The following FNDC3A variants were observed in gnomAD, a reference collection of about 807,000 sequenced individuals.
The protein encoded by FNDC3A is fibronectin type III domain containing 3A.
A neutral mutation model predicts 148.9 loss-of-function variants in FNDC3A; 32 were observed. The observed-to-expected ratio is 0.21, with a 90% CI of 0.16 to 0.29. The LOEUF is 0.29. Among genes scored for constraint, FNDC3A ranks in the 10% least tolerant of loss-of-function variants. The pLI is 1.00. For missense variants in FNDC3A, 1,191 were observed against 1,452.8 expected (o/e 0.82, Z 2.93); for synonymous variants, 472 against 473.6 (o/e 1.00, Z 0.04).
chr13:48,983,617 A>G (rs945420629), intron 1 of FNDC3A, among the ~76,000 whole-genome samples: 4 of 152,240 alleles, frequency 2.6e-5, no homozygotes, highest in African/African-American at 9.6e-5. Flanking sequence ...GCAATGGTGC[A>G]TGCATATACT....
intron 8 of FNDC3A, among the ~76,000 whole-genome samples, chr13:49,167,001 G>A (rs1371819552): frequency 6.6e-6 from 1 of 151,098 alleles, no homozygotes; most frequent in Non-Finnish European, 1.5e-5. Context: ...AAAAAAAAGA[G>A]TCTGGCTTAC....
intron 8 of FNDC3A, among the ~76,000 whole-genome samples, chr13:49,150,728 C>G (rs569606481): frequency 6.6e-6 from 1 of 152,010 alleles, no homozygotes; most frequent in Non-Finnish European, 1.5e-5. Flanking sequence ...GGGCAGATCA[C>G]GATGGCAAGA....
intron 1 of FNDC3A, among the ~76,000 whole-genome samples, chr13:48,987,350 T>G (rs1009952850): frequency 2.0e-4 from 30 of 152,360 alleles, no homozygotes; most frequent in Middle Eastern, 3.4e-3. Context: ...AAGCAGTTCT[T>G]TCTCTCTTGT....
At chr13:49,041,174 GTT>G (rs1874897221) in intron 2 of FNDC3A, among the ~76,000 whole-genome samples, 1 of 152,118 alleles carries the variant, frequency 6.6e-6, no homozygotes, top group Non-Finnish European at 1.5e-5. Flanking sequence ...AGTAGCCCTG[GTT>G]TAATCTGGCA....
At chr13:49,204,977 T>C (rs1886583744) in intron 25 of FNDC3A, among the ~76,000 whole-genome samples, 1 of 152,172 alleles carries the variant, frequency 6.6e-6, no homozygotes, top group African/African-American at 2.4e-5. Context: ...CTATCAACTC[T>C]TAATCAGAAT....
intron 9 of FNDC3A, 106 bp downstream of exon 9, chr13:49,167,409 G>C: frequency 1.5e-6 from 1 of 675,690 alleles, no homozygotes; most frequent in Non-Finnish European, 2.4e-6. Context: ...CATTAATTTT[G>C]GATTAAAAAC....
chr13:48,992,110 A>G lies in FNDC3A; in HGVS notation c.-39-14042A>G, dbSNP rs1419136994. 2.0e-5 allele frequency among the ~76,000 whole-genome samples: 3 copies of G among 152,178 alleles called. No individual in the cohort carries two copies. The South Asian group carries it at 6.2e-4, about 32-fold the overall frequency. On this transcript the variant is annotated intron_variant, in intron 1 of 25. Transcript: ENST00000492622. ...TAAGTTGAACCATCACAAGTTGGGG[A>G]TTGTCTGTATACAAATAATGCAATT... is the stretch of plus-strand genomic sequence containing the variant.
At chr13:49,193,577 T>G (rs1364766949) in intron 19 of FNDC3A, among the ~76,000 whole-genome samples, 1 of 152,176 alleles carries the variant, frequency 6.6e-6, no homozygotes, top group Non-Finnish European at 1.5e-5. Flanking sequence ...TATATACTTA[T>G]TATTGTAAAT....
At chr13:49,206,337 T>TCTTAA (rs10651632) in intron 25 of FNDC3A, among the ~76,000 whole-genome samples, 100,996 of 151,406 alleles carry the variant, frequency 0.67, 33,767 homozygotes, top group Admixed American at 0.69. Context: ...GTATATAGCT[T>TCTTAA]CTTATTTATG....
chr13:49,110,214 C>A (rs77549600), intron 3 of FNDC3A: 3 of 506,958 alleles, frequency 5.9e-6, no homozygotes, highest in East Asian at 3.8e-5. Flanking sequence ...GCTTTTTTTT[C>A]CCCCTTGCCC....
chr13:49,179,292 A>G (rs889363171), intron 14 of FNDC3A, among the ~76,000 whole-genome samples: 2 of 152,206 alleles, frequency 1.3e-5, no homozygotes, highest in African/African-American at 2.4e-5. Flanking sequence ...ATTTTTCTCA[A>G]TGTAGCATAT....
chr13:49,129,465 G>A (rs1488113424), intron 4 of FNDC3A, among the ~76,000 whole-genome samples: 19 of 152,166 alleles, frequency 1.2e-4, no homozygotes, highest in Non-Finnish European at 1.3e-4. Context: ...TGATAAAGGT[G>A]AAATGAGTAT....
At chr13:49,118,420 C>T (rs1014652869) in intron 4 of FNDC3A, among the ~76,000 whole-genome samples, 1 of 152,190 alleles carries the variant, frequency 6.6e-6, no homozygotes, top group African/African-American at 2.4e-5. Flanking sequence ...AAGCACAAAA[C>T]TGGGCAGGCA....
chr13:48,977,778 T>G (rs1428624769), intron 1 of FNDC3A, among the ~76,000 whole-genome samples: 1 of 152,210 alleles, frequency 6.6e-6, no homozygotes, highest in African/African-American at 2.4e-5. Context: ...TGTTAAAATT[T>G]TAATATTAAA....
intron 2 of FNDC3A, among the ~76,000 whole-genome samples, chr13:49,018,115 G>A (rs867189699): frequency 6.6e-5 from 10 of 150,596 alleles, no homozygotes; most frequent in Middle Eastern, 3.4e-3. Context: ...TCTTTGTGGC[G>A]TTCTCTGTAT....
intron 5 of FNDC3A, 100 bp from the exon 6 acceptor site, chr13:49,136,232 A>G (rs1882347767): frequency 9.7e-6 from 10 of 1,029,880 alleles, no homozygotes; most frequent in Non-Finnish European, 1.4e-5. Flanking sequence ...ATATTTTATA[A>G]AAGTTTTATA....
At chr13:48,978,024 A>G (rs1951633834) in intron 1 of FNDC3A, among the ~76,000 whole-genome samples, 1 of 152,122 alleles carries the variant, frequency 6.6e-6, no homozygotes, top group African/African-American at 2.4e-5. Context: ...TAACACTGTC[A>G]AGCATAGTTA....
chr13:49,186,142 TTTGA>T (rs770369386), intron 15 of FNDC3A, 40 bp downstream of exon 15: 1 of 1,491,436 alleles, frequency 6.7e-7, no homozygotes, highest in East Asian at 2.3e-5. Flanking sequence ...TACTTTTGCG[TTTGA>T]TTAAAATAAT....
intron 2 of FNDC3A, among the ~76,000 whole-genome samples, chr13:49,040,426 C>T (rs1174618713): frequency 6.6e-6 from 1 of 152,178 alleles, no homozygotes; most frequent in Non-Finnish European, 1.5e-5. Flanking sequence ...AGGAAAACTC[C>T]TAGGTATCAC....
Sources: allele counts gnomAD v4.1 joint callset (sites outside exome capture counted in the v4.1 genomes callset), GRCh38; gene constraint gnomAD v4.1.1; transcripts MANE v1.5; gene names NCBI Gene and HGNC (gene_info 2026-07-23, HGNC 2026-07-21).